The following HS3ST4 variants were observed in gnomAD, a reference collection of about 807,000 sequenced individuals.
HS3ST4 encodes the protein heparan sulfate-glucosamine 3-sulfotransferase 4.
HS3ST4 carries 17 observed loss-of-function variants against 29.2 expected under a neutral mutation model. The ratio of observed to expected loss-of-function variants is 0.58; its 90% confidence interval spans 0.40 to 0.87. The LOEUF is 0.87. Among genes scored for constraint, HS3ST4 ranks in the 40% least tolerant of loss-of-function variants. The pLI, the probability that HS3ST4 is intolerant of heterozygous loss-of-function variation, is 0.00. For missense variants in HS3ST4, 627 were observed against 634.5 expected, an observed-to-expected ratio of 0.99 and a Z score of 0.13; for synonymous variants, 314 against 285.7, an observed-to-expected ratio of 1.10 and a Z score of -1.00.
At chr16:25,759,053 T>C (rs1359438003) in intron 1 of HS3ST4, among the ~76,000 whole-genome samples, 2 of 151,958 alleles carry the variant, frequency 1.3e-5, no homozygotes. Flanking sequence ...TCTAAATAGC[T>C]GTAGCCAGGG....
intron 1 of HS3ST4, among the ~76,000 whole-genome samples, chr16:25,773,582 C>T (rs964232996): frequency 6.6e-6 from 1 of 152,112 alleles, no homozygotes; most frequent in African/African-American, 2.4e-5. Context: ...AGTTATTTAT[C>T]AATTTGGAGA....
At chr16:25,862,124 T>A (rs1042370852) in intron 1 of HS3ST4, among the ~76,000 whole-genome samples, 4 of 152,124 alleles carry the variant, frequency 2.6e-5, no homozygotes, top group Non-Finnish European at 5.9e-5. Flanking sequence ...ATCCCTTGTA[T>A]GCACAGTTGA....
At chr16:25,953,878 G>A (rs1358362460) in intron 1 of HS3ST4, among the ~76,000 whole-genome samples, 1 of 152,154 alleles carries the variant, frequency 6.6e-6, no homozygotes, top group African/African-American at 2.4e-5. Context: ...AGGTGAGGGA[G>A]CTGGGGTATT....
rs1899290281 is a variant in HS3ST4, at chr16:26,122,570, T to G, written c.735-13042T>G. Among the ~76,000 whole-genome samples, 4 of 152,308 alleles carry G rather than the reference T, an allele frequency of 2.6e-5. No individual in the cohort carries two copies. In the South Asian group the frequency reaches 8.3e-4, roughly 32 times the overall value. On this transcript the variant is annotated intron_variant, in intron 1 of 1. Coordinates refer to ENST00000331351, the MANE Select transcript of HS3ST4 (RefSeq NM_006040.3). ...CCCAGCATTGAGGCTTCCCAAATGCTTGCGCACCTCAGGTGGTAAGGAGAA... is the reference window on the plus strand; with the variant it reads ...CCCAGCATTGAGGCTTCCCAAATGCGTGCGCACCTCAGGTGGTAAGGAGAA...
Position 26,077,576 on chromosome 16 carries a change from A to G in HS3ST4, c.735-58036A>G, listed in dbSNP as rs115836706. ...CACGTTTATTTGTGATATTCCAAAA[A>G]GTCCCCTTTTGGAATATCAGCTCCA... On this transcript the variant is annotated intron_variant, in intron 1 of 1. Transcript: ENST00000331351. Among the ~76,000 whole-genome samples, 421 of 152,350 alleles carry G rather than the reference A, an allele frequency of 2.8e-3. 2 individuals carry two copies. Among genetic ancestry groups the G allele is most frequent in the African/African-American group, 9.7e-3 (405 of 41,572 alleles).
chr16:25,790,156 C>T (rs562380485), intron 1 of HS3ST4, among the ~76,000 whole-genome samples: 1 of 139,642 alleles, frequency 7.2e-6, no homozygotes, highest in Admixed American at 7.4e-5. Context: ...GCCTGTAATC[C>T]CAGCACTTTG....
chr16:25,966,743 C>T (rs969243811), intron 1 of HS3ST4, among the ~76,000 whole-genome samples: 3 of 152,068 alleles, frequency 2.0e-5, no homozygotes, highest in Non-Finnish European at 4.4e-5. Context: ...TACCTTTGCC[C>T]ATTCCTACTT....
intron 1 of HS3ST4, among the ~76,000 whole-genome samples, chr16:25,747,871 T>G (rs951953621): frequency 1.3e-5 from 2 of 152,150 alleles, no homozygotes; most frequent in African/African-American, 4.8e-5. Context: ...CACCCCCTCC[T>G]GAGTTTGAAA....
intron 1 of HS3ST4, among the ~76,000 whole-genome samples, chr16:25,931,202 T>C (rs1396117669): frequency 6.6e-6 from 1 of 152,210 alleles, no homozygotes; most frequent in East Asian, 1.9e-4. Flanking sequence ...TGGGAAGCAG[T>C]GAGACAGCCC....
At chr16:25,886,498 C>G (rs1380493919) in intron 1 of HS3ST4, among the ~76,000 whole-genome samples, 1 of 152,182 alleles carries the variant, frequency 6.6e-6, no homozygotes. Flanking sequence ...ATCATCAGTC[C>G]TGGCTTGATC....
chr16:25,953,497 A>G (rs944849683), intron 1 of HS3ST4, among the ~76,000 whole-genome samples: 4 of 152,148 alleles, frequency 2.6e-5, no homozygotes, highest in South Asian at 4.1e-4. Flanking sequence ...GTTCTGCCCA[A>G]TAGGGTGTAA....
At chr16:25,955,351 A>T (rs915187684) in intron 1 of HS3ST4, among the ~76,000 whole-genome samples, 1 of 152,198 alleles carries the variant, frequency 6.6e-6, no homozygotes, top group Admixed American at 6.5e-5. Flanking sequence ...AAACCTCGTC[A>T]GTTGCTTTAT....
intron 1 of HS3ST4, among the ~76,000 whole-genome samples, chr16:25,898,502 T>G (rs576289119): frequency 4.1e-4 from 62 of 152,362 alleles, no homozygotes; most frequent in Non-Finnish European, 6.0e-4. Flanking sequence ...TGGATGATCT[T>G]CATGACTGCT....
chr16:25,811,932 A>G (rs1022670508), intron 1 of HS3ST4, among the ~76,000 whole-genome samples: 4 of 152,098 alleles, frequency 2.6e-5, no homozygotes, highest in Admixed American at 2.0e-4. Context: ...CCTAACCCCA[A>G]TGTTGTTCAA....
intron 1 of HS3ST4, among the ~76,000 whole-genome samples, chr16:25,784,344 C>G (rs911053951): frequency 2.0e-5 from 3 of 152,154 alleles, no homozygotes; most frequent in African/African-American, 2.4e-5. Flanking sequence ...AAATCAGAAG[C>G]TAGAAATGAT....
At chr16:26,028,947 C>T (rs1208837789) in intron 1 of HS3ST4, 2 of 152,258 alleles carry the variant, frequency 1.3e-5, no homozygotes, top group Admixed American at 6.5e-5. Context: ...TACCCGATCT[C>T]GTCTGATCTT....
intron 1 of HS3ST4, among the ~76,000 whole-genome samples, chr16:25,733,950 C>G (rs12051141): frequency 6.6e-6 from 1 of 152,126 alleles, no homozygotes; most frequent in Admixed American, 6.6e-5. Context: ...AACCCTGTCT[C>G]TACTAAAAAT....
At chr16:25,951,252 A>G (rs1377924264) in intron 1 of HS3ST4, among the ~76,000 whole-genome samples, 1 of 152,210 alleles carries the variant, frequency 6.6e-6, no homozygotes, top group African/African-American at 2.4e-5. Flanking sequence ...AGCCACTGCC[A>G]GTTTTTCCAG....
At chr16:25,977,992 C>G (rs947283437) in intron 1 of HS3ST4, among the ~76,000 whole-genome samples, 1 of 152,172 alleles carries the variant, frequency 6.6e-6, no homozygotes, top group African/African-American at 2.4e-5. Context: ...GCCATCGGCC[C>G]TAACCTCAAG....
Sources: gnomAD v4.1 joint callset for allele counts (sites outside exome capture counted in the v4.1 genomes callset) on GRCh38, gnomAD v4.1.1 for gene constraint, MANE v1.5 for transcripts, NCBI Gene and HGNC (gene_info 2026-07-23, HGNC 2026-07-21) for gene names.